TMEM14A: variants seen among roughly 807,000 people sequenced by gnomAD.
TMEM14A encodes transmembrane protein 14A.
A neutral mutation model predicts 11.6 loss-of-function variants in TMEM14A; 8 were observed. The observed-to-expected ratio is 0.69, with a 90% CI of 0.40 to 1.24. The LOEUF (loss-of-function observed/expected upper bound fraction) is 1.24. TMEM14A is among the 50% of genes most tolerant of loss of function. TMEM14A has a pLI of 0.01. For synonymous variants in TMEM14A, 34 were observed against 45.5 expected (o/e 0.75, Z 1.02); for missense variants, 108 against 121.9 (o/e 0.89, Z 0.54).
intron 1 of TMEM14A, among the ~76,000 whole-genome samples, chr6:52,674,070 G>T (rs1769211040): frequency 6.6e-6 from 1 of 152,146 alleles, no homozygotes; most frequent in South Asian, 2.1e-4. Flanking sequence ...AGATATTTTT[G>T]TTATCCCTAT....
At chr6:52,680,609 A>ATATATG (rs1554137438) in intron 2 of TMEM14A, among the ~76,000 whole-genome samples, 1 of 103,854 alleles carries the variant, frequency 9.6e-6, no homozygotes, top group Non-Finnish European at 1.9e-5. Flanking sequence ...ATATATATAT[A>ATATATG]TATGTATATA....
chr6:52,684,022 C>G (rs1769445303), intron 3 of TMEM14A, 56 bp from the exon 4 acceptor site: 2 of 1,526,052 alleles, frequency 1.3e-6, no homozygotes, highest in Admixed American at 1.7e-5. Context: ...GCTGTTTTCC[C>G]ACAAGCATTG....
intron 1 of TMEM14A, among the ~76,000 whole-genome samples, chr6:52,672,111 GA>G (rs1769172629): frequency 6.6e-6 from 1 of 152,218 alleles, no homozygotes; most frequent in African/African-American, 2.4e-5. Context: ...GTCAGTTACA[GA>G]ATGTCTTCAG....
Position 52,680,585 on chromosome 6 carries a change from T to TATATATA in TMEM14A, c.71-1228_71-1227insATATATA, listed in dbSNP as rs1561874901. ...TGTAACATTCTAAGCCACTATATAT[T>TATATATA]TATATATTTATATATATATATATAT... On this transcript the variant is annotated intron_variant, in intron 2 of 4. Transcript: ENST00000211314. Among the ~76,000 whole-genome samples the TATATATA allele has an allele frequency of 9.5e-3, 317 of 33,198 alleles. 4 individuals carry two copies. Among genetic ancestry groups the TATATATA allele is most frequent in the South Asian group, 0.024 (11 of 450 alleles). 21.8% of individuals were successfully genotyped at this position (33,198 alleles called of 152,430 possible).
chr6:52,680,611 A>ATATATATATATATATG (rs1342408407), intron 2 of TMEM14A, among the ~76,000 whole-genome samples: 2 of 107,560 alleles, frequency 1.9e-5, no homozygotes, highest in Non-Finnish European at 3.8e-5. Flanking sequence ...ATATATATAT[A>ATATATATATATATATG]TGTATATATA....
chr6:52,679,416 G>T (rs576224444), intron 2 of TMEM14A, among the ~76,000 whole-genome samples: 2 of 152,314 alleles, frequency 1.3e-5, no homozygotes, highest in East Asian at 3.9e-4. Flanking sequence ...TCCAGTTGAA[G>T]GGAAGGGCAC....
chr6:52,676,650 T>C (rs111266993), intron 1 of TMEM14A, among the ~76,000 whole-genome samples: 8 of 152,314 alleles, frequency 5.3e-5, no homozygotes, highest in African/African-American at 1.9e-4. Context: ...AATAACTACC[T>C]GAGACTCGGT....
In TMEM14A at chr6:52,680,691, G is replaced by GTGTATATATATATATATA. The variant is rs758417981; in HGVS notation, c.71-1121_71-1120insGTATATATATATATATAT. Among the ~76,000 whole-genome samples the GTGTATATATATATATATA allele has an allele frequency of 1.4e-3, 50 of 35,276 alleles. 3 individuals are homozygous for GTGTATATATATATATATA. Among genetic ancestry groups the GTGTATATATATATATATA allele is most frequent in the East Asian group, 3.2e-3 (3 of 948 alleles). The allele number at this position is 35,276 out of a possible 152,430, so 23.1% of individuals were successfully genotyped here. ...TGTGTATATATATATATACATATATGTATATATATATATACACATATATAT... is the reference window on the plus strand; with the variant it reads ...TGTGTATATATATATATACATATATGTGTATATATATATATATATATATATATATATACACATATATAT... On this transcript the variant is annotated intron_variant, in intron 2 of 4. Transcript: ENST00000211314.
chr6:52,675,995 G>A (rs1443437070), intron 1 of TMEM14A, among the ~76,000 whole-genome samples: 1 of 152,198 alleles, frequency 6.6e-6, no homozygotes, highest in Non-Finnish European at 1.5e-5. Flanking sequence ...GGATAGTCGG[G>A]CTTTTGGAGG....
At chr6:52,673,123 T>A (rs1769192618) in intron 1 of TMEM14A, among the ~76,000 whole-genome samples, 1 of 152,212 alleles carries the variant, frequency 6.6e-6, no homozygotes, top group Admixed American at 6.5e-5. Flanking sequence ...CCTCTTCACT[T>A]GACTTATTCA....
At chr6:52,673,327 C>T (rs950480082) in intron 1 of TMEM14A, among the ~76,000 whole-genome samples, 5 of 147,596 alleles carry the variant, frequency 3.4e-5, no homozygotes, top group South Asian at 2.3e-4. Context: ...AGGGGCCATA[C>T]GGGGAATTGA....
chr6:52,684,664 A>G (rs1245053440), intron 4 of TMEM14A, among the ~76,000 whole-genome samples: 1 of 152,248 alleles, frequency 6.6e-6, no homozygotes, highest in Non-Finnish European at 1.5e-5. Context: ...CAGTAATTCT[A>G]TCCATGAGAT....
intron 1 of TMEM14A, among the ~76,000 whole-genome samples, chr6:52,673,400 T>G (rs9349638): frequency 6.6e-6 from 1 of 151,932 alleles, no homozygotes; most frequent in Non-Finnish European, 1.5e-5. Flanking sequence ...GGGTGTTAAG[T>G]GAAAATGCTG....
intron 1 of TMEM14A, among the ~76,000 whole-genome samples, chr6:52,673,808 GAC>G: frequency 6.6e-6 from 1 of 152,284 alleles, no homozygotes; most frequent in African/African-American, 2.4e-5. Context: ...AAGTCGAATT[GAC>G]TACAAATATA....
chr6:52,685,203 T>C (rs2127266367), intron 4 of TMEM14A, among the ~76,000 whole-genome samples: 1 of 152,316 alleles, frequency 6.6e-6, no homozygotes, highest in Admixed American at 6.5e-5. Flanking sequence ...CTATGTATTA[T>C]GTTTCAGGGA....
intron 4 of TMEM14A, among the ~76,000 whole-genome samples, chr6:52,684,992 G>A (rs532244714): frequency 8.5e-5 from 13 of 152,244 alleles, no homozygotes; most frequent in Admixed American, 2.0e-4. Context: ...AAATGATTTG[G>A]TGGCATTGGA....
At chr6:52,684,263 T>C (rs1008117699) in intron 4 of TMEM14A, 98 bp downstream of exon 4, 2 of 1,097,708 alleles carry the variant, frequency 1.8e-6, no homozygotes, top group Admixed American at 5.0e-5. Flanking sequence ...ATCAAAGTCC[T>C]TTTTGTTATA....
At chr6:52,672,673 CT>C (rs951803630) in intron 1 of TMEM14A, among the ~76,000 whole-genome samples, 1 of 152,174 alleles carries the variant, frequency 6.6e-6, no homozygotes, top group Non-Finnish European at 1.5e-5. Flanking sequence ...TGATTCACCC[CT>C]GACTTTCCCT....
Position 52,680,704 on chromosome 6 carries a change from T to TATAC in TMEM14A, c.71-1108_71-1107insTACA, listed in dbSNP as rs371102796. 3.7e-3 allele frequency among the ~76,000 whole-genome samples: 190 copies of TATAC among 51,104 alleles called. 20 individuals are homozygous for TATAC. Among genetic ancestry groups the TATAC allele is most frequent in the African/African-American group, 0.01 (178 of 17,492 alleles). The allele number at this position is 51,104 out of a possible 152,430, so 33.5% of individuals were successfully genotyped here. A position where few individuals can be genotyped will look rare whatever the true frequency, so the allele number is the denominator to read the frequency against. On this transcript the variant is annotated intron_variant, in intron 2 of 4. Transcript: ENST00000211314. The stretch of plus-strand genomic sequence containing the variant: ...ATATACATATATGTATATATATATA[T>TATAC]ACACATATATATATGGCATGGATGA...
Sources: gnomAD v4.1 joint callset for allele counts (sites outside exome capture counted in the v4.1 genomes callset) on GRCh38, gnomAD v4.1.1 for gene constraint, MANE v1.5 for transcripts, NCBI Gene and HGNC (gene_info 2026-07-23, HGNC 2026-07-21) for gene names.